The following EXOC4 variants were observed in gnomAD, a reference collection of about 807,000 sequenced individuals.
EXOC4 encodes exocyst complex component 4.
Under a neutral mutation model 107.2 loss-of-function variants are expected in EXOC4, and 71 were observed. The observed-to-expected ratio is 0.66, with a 90% CI of 0.55 to 0.81. The LOEUF (loss-of-function observed/expected upper bound fraction) is 0.81, where lower values mean the gene tolerates loss of function less well. Ranked by LOEUF, EXOC4 falls within the 30% of genes least tolerant of loss-of-function variation. The pLI, the probability that EXOC4 is intolerant of heterozygous loss-of-function variation, is 0.00. For missense variants in EXOC4, 1,108 were observed against 1,189.6 expected (o/e 0.93, Z 1.01); for synonymous variants, 456 against 441.2 (o/e 1.03, Z -0.42).
At chr7:133,649,953 T>C (rs1344594114) in intron 10 of EXOC4, among the ~76,000 whole-genome samples, 2 of 152,104 alleles carry the variant, frequency 1.3e-5, no homozygotes, top group African/African-American at 4.8e-5. Flanking sequence ...GAAAAATAAT[T>C]TTAGCTGAGT....
chr7:133,483,010 G>GT (rs1799190682), intron 9 of EXOC4, among the ~76,000 whole-genome samples: 1 of 152,194 alleles, frequency 6.6e-6, no homozygotes, highest in Non-Finnish European at 1.5e-5. Flanking sequence ...GTGTGTTACT[G>GT]CCACATCTTT....
At chr7:133,614,569 G>T (rs1237840423) in intron 9 of EXOC4, among the ~76,000 whole-genome samples, 1 of 151,964 alleles carries the variant, frequency 6.6e-6, no homozygotes, top group Admixed American at 6.6e-5. Context: ...TCTATGAAAA[G>T]GATCGTCAGC....
chr7:133,357,445 A>G (rs1796047174), intron 6 of EXOC4, among the ~76,000 whole-genome samples: 1 of 152,198 alleles, frequency 6.6e-6, no homozygotes, highest in Admixed American at 6.5e-5. Context: ...CCAATAGACA[A>G]ATCAGTCTCA....
At chr7:133,622,128 C>A (rs1802348306) in intron 9 of EXOC4, among the ~76,000 whole-genome samples, 1 of 152,080 alleles carries the variant, frequency 6.6e-6, no homozygotes, top group Admixed American at 6.6e-5. Flanking sequence ...TTGCACCTCA[C>A]CATGCTGGGC....
intron 9 of EXOC4, among the ~76,000 whole-genome samples, chr7:133,544,058 A>T (rs867818568): frequency 6.6e-6 from 1 of 152,152 alleles, no homozygotes; most frequent in Non-Finnish European, 1.5e-5. Flanking sequence ...TTATTATTAC[A>T]TACATATATT....
intron 7 of EXOC4, among the ~76,000 whole-genome samples, chr7:133,436,982 T>G (rs764254259): frequency 1.4e-4 from 21 of 151,992 alleles, no homozygotes; most frequent in Non-Finnish European, 2.2e-4. Context: ...TACATCTGAG[T>G]GACTATGGAT....
At chr7:133,692,285 A>G (rs1282565683) in intron 10 of EXOC4, among the ~76,000 whole-genome samples, 8 of 152,200 alleles carry the variant, frequency 5.3e-5, no homozygotes, top group Admixed American at 3.3e-4. Flanking sequence ...ATTGCAAAAT[A>G]TACACATTAT....
At chr7:133,448,561 C>G (rs1023380520) in intron 7 of EXOC4, among the ~76,000 whole-genome samples, 4 of 152,076 alleles carry the variant, frequency 2.6e-5, no homozygotes, top group African/African-American at 7.2e-5. Flanking sequence ...TGCCACTTCA[C>G]CCATCCCCAA....
At chr7:133,427,110 ATTTTT>A (rs1797744014) in intron 7 of EXOC4, among the ~76,000 whole-genome samples, 1 of 151,536 alleles carries the variant, frequency 6.6e-6, no homozygotes, top group African/African-American at 2.4e-5. Context: ...GAGTTGTTTT[ATTTTT>A]TTCAAGATAA....
chr7:133,498,074 C>G (rs903978209), intron 9 of EXOC4, among the ~76,000 whole-genome samples: 13 of 152,126 alleles, frequency 8.5e-5, no homozygotes, highest in African/African-American at 3.1e-4. Context: ...TCATGAGAAC[C>G]AGGCACTGAA....
At position 133,639,395 on chromosome 7, in the gene EXOC4, G is replaced by A. The variant is rs140818541; in HGVS notation, c.1514+9254G>A. 2.1e-3 allele frequency among the ~76,000 whole-genome samples: 316 copies of A among 152,082 alleles called. 3 individuals carry two copies. Among genetic ancestry groups the A allele is most frequent in the African/African-American group, 7.3e-3 (302 of 41,506 alleles). On this transcript the variant is annotated intron_variant, in intron 10 of 17. Transcript: ENST00000253861. ...ATTTGAACATTTGATCATTAATATTGCCTACTGTGTTTTTAAAAAATGTGT... is the reference window on the plus strand; with the variant it reads ...ATTTGAACATTTGATCATTAATATTACCTACTGTGTTTTTAAAAAATGTGT...
intron 11 of EXOC4, among the ~76,000 whole-genome samples, chr7:133,823,868 TATATTATATATA>T (rs1797608883): frequency 1.4e-4 from 3 of 21,780 alleles, no homozygotes; most frequent in Admixed American, 5.9e-4. Flanking sequence ...TATATATATA[TATATTATATATA>T]TATATATATA....
chr7:133,519,275 C>T (rs932586947), intron 9 of EXOC4, among the ~76,000 whole-genome samples: 11 of 151,892 alleles, frequency 7.2e-5, no homozygotes, highest in Non-Finnish European at 1.0e-4. Context: ...ATTAGCTTGG[C>T]GTGGTGGCAT....
chr7:133,727,835 C>T (rs185539220), intron 10 of EXOC4: 1 of 152,234 alleles, frequency 6.6e-6, no homozygotes, highest in South Asian at 2.1e-4. Context: ...CATTTTTATT[C>T]GTTTTTATAT....
chr7:133,478,245 C>T (rs1215318451), intron 8 of EXOC4, among the ~76,000 whole-genome samples: 2 of 149,928 alleles, frequency 1.3e-5, no homozygotes, highest in Non-Finnish European at 3.0e-5. Context: ...CGCTGACTTT[C>T]AACCTCAGTC....
chr7:133,925,776 G>A (rs1800036461), intron 13 of EXOC4, among the ~76,000 whole-genome samples: 1 of 152,090 alleles, frequency 6.6e-6, no homozygotes, highest in African/African-American at 2.4e-5. Flanking sequence ...TTAAGATTGT[G>A]CCTGTAATCC....
chr7:133,295,065 C>T (rs989058454), intron 3 of EXOC4, among the ~76,000 whole-genome samples: 3 of 151,944 alleles, frequency 2.0e-5, no homozygotes, highest in Non-Finnish European at 2.9e-5. Context: ...TATTTATAAT[C>T]GATAAATTTT....
At chr7:133,942,325 G>A (rs10227606) in intron 14 of EXOC4, among the ~76,000 whole-genome samples, 34,278 of 149,624 alleles carry the variant, frequency 0.23, 4,973 homozygotes, top group East Asian at 0.44. Context: ...TTCTTCTTTT[G>A]TACTCTCTTC....
In EXOC4 at chr7:133,920,061, T is replaced by C. The variant is rs143066719; in HGVS notation, c.2027+2323T>C. ...TCTTGCCAACATTTGATGCTGTCAG[T>C]GTTTTGGATTTTAGCCATTCTTATG... On this transcript the variant is annotated intron_variant, in intron 13 of 17. Coordinates refer to ENST00000253861, the MANE Select transcript of EXOC4 (RefSeq NM_021807.4). Among the ~76,000 whole-genome samples, 63 of 152,352 alleles carry C rather than the reference T, an allele frequency of 4.1e-4. 1 individual carries two copies. In the East Asian group the frequency reaches 0.012, roughly 29 times the overall value.
Sources: allele counts gnomAD v4.1 joint callset (sites outside exome capture counted in the v4.1 genomes callset), GRCh38; gene constraint gnomAD v4.1.1; transcripts MANE v1.5; gene names NCBI Gene and HGNC (gene_info 2026-07-23, HGNC 2026-07-21).